Variants in RASGEF1B observed in about 807,000 individuals in gnomAD.
RASGEF1B encodes the protein ras-GEF domain-containing family member 1B.
RASGEF1B carries 30 observed loss-of-function variants against 65.7 expected under a neutral mutation model. The observed-to-expected ratio is 0.46, with a 90% CI of 0.34 to 0.62. The LOEUF (loss-of-function observed/expected upper bound fraction) is 0.62. Ranked by LOEUF, RASGEF1B falls within the 20% of genes least tolerant of loss-of-function variation. RASGEF1B has a pLI of 0.01. For missense variants in RASGEF1B, 495 were observed against 580.1 expected, an observed-to-expected ratio of 0.85 and a Z score of 1.51; for synonymous variants, 175 against 194.8, an observed-to-expected ratio of 0.90 and a Z score of 0.85.
chr4:81,434,817 A>G lies in RASGEF1B; in HGVS notation c.1105-83T>C, dbSNP rs1351102396. The G allele has an allele frequency of 1.3e-4, 92 of 724,996 alleles. 1 individual carries two copies. Among genetic ancestry groups the G allele is most frequent in the South Asian group, 1.2e-3 (78 of 64,370 alleles). 44.9% of individuals were successfully genotyped at this position (724,996 alleles called of 1,614,324 possible). On this transcript the variant is annotated intron_variant, in intron 10 of 13. Coordinates refer to ENST00000264400, the MANE Select transcript of RASGEF1B (RefSeq NM_152545.3). The stretch of plus-strand genomic sequence containing the variant: ...AAAATACACAAGATTAATGAACAAC[A>G]TTAACTTTTGATTATATGAAAGGCC...
intron 4 of RASGEF1B, chr4:81,453,467 T>A (rs1316722286): frequency 6.6e-6 from 1 of 152,230 alleles, no homozygotes; most frequent in Non-Finnish European, 1.5e-5. Context: ...GATACTGTAT[T>A]GTTTAGGGAA....
rs934216860 is a variant in RASGEF1B, at chr4:81,468,522, T to G, written c.-7+3248A>C. ...AAATATAAACCTAAGAAAAAATGATTGTTGAAGACAAATTTAAAAATTTAG... is the reference window on the plus strand; with the variant it reads ...AAATATAAACCTAAGAAAAAATGATGGTTGAAGACAAATTTAAAAATTTAG... On this transcript the variant is annotated intron_variant, in intron 1 of 13. Transcript: ENST00000264400. Among the ~76,000 whole-genome samples, 9 of 152,300 alleles carry G rather than the reference T, an allele frequency of 5.9e-5. No individual in the cohort carries two copies. In the East Asian group the frequency reaches 1.5e-3, roughly 26 times the overall value.
chr4:81,429,742 C>T (rs1222781348), intron 13 of RASGEF1B, among the ~76,000 whole-genome samples: 2 of 152,304 alleles, frequency 1.3e-5, no homozygotes, highest in East Asian at 1.9e-4. Flanking sequence ...CAGGGCACAC[C>T]GAAAGATGCC....
At chr4:81,432,395 C>T (rs777912541) in intron 12 of RASGEF1B, 24 bp from the exon 13 acceptor site, 23 of 1,483,436 alleles carry the variant, frequency 1.6e-5, no homozygotes, top group Non-Finnish European at 2.1e-5. Context: ...AAAGAAAGTG[C>T]ATTAACATTA....
rs1338669491 is a variant in RASGEF1B at position 81,427,603 on chromosome 4, T to C, written c.*165A>G. On this transcript the variant is annotated 3_prime_UTR_variant, in exon 14 of 14. Transcript: ENST00000264400. Reference sequence around the variant, plus strand: ...TATCTGTCAGCTGCAGGAAATAAGTTCTCCATCTGGTCTTGAGTGAGCTTG... The same window carrying C: ...TATCTGTCAGCTGCAGGAAATAAGTCCTCCATCTGGTCTTGAGTGAGCTTG... 1.2e-5 allele frequency: 7 copies of C among 579,926 alleles called. No homozygotes were observed. The allele number at this position is 579,926 out of a possible 1,614,324, so 35.9% of individuals were successfully genotyped here. A position where few individuals can be genotyped will look rare whatever the true frequency, so the allele number is the denominator to read the frequency against.
At chr4:81,438,794 C>G (rs112759548) in intron 10 of RASGEF1B, among the ~76,000 whole-genome samples, 1 of 147,718 alleles carries the variant, frequency 6.8e-6, no homozygotes, top group Non-Finnish European at 1.5e-5. Flanking sequence ...CATTGTTCAA[C>G]TCCCACTTAC....
intron 1 of RASGEF1B, among the ~76,000 whole-genome samples, chr4:81,462,823 T>C (rs1490944904): frequency 1.3e-5 from 2 of 152,246 alleles, no homozygotes; most frequent in Non-Finnish European, 2.9e-5. Context: ...GAGAATTTCA[T>C]TGGCTCCATT....
Position 81,427,730 on chromosome 4 carries a change from G to GGAAGCA in RASGEF1B, c.*32_*37dup. The GGAAGCA allele has an allele frequency of 6.2e-7, 1 of 1,613,136 alleles. No individual in the cohort carries two copies. The highest frequency in any genetic ancestry group is 8.5e-7 in the Non-Finnish European group (1 of 1,179,748). Reference sequence around the variant, plus strand: ...AAGGCCAGCCCCTCCATGATCTGCAGGAAGCAGCAGCAGCAGCAGGCAGGC... The same window carrying GGAAGCA: ...AAGGCCAGCCCCTCCATGATCTGCAGGAAGCAGAAGCAGCAGCAGCAGCAGGCAGGC... On this transcript the variant is annotated 3_prime_UTR_variant, in exon 14 of 14. Transcript: ENST00000264400.
At chr4:81,468,870 A>C (rs561902549) in intron 1 of RASGEF1B, among the ~76,000 whole-genome samples, 1 of 152,304 alleles carries the variant, frequency 6.6e-6, no homozygotes, top group East Asian at 1.9e-4. Flanking sequence ...CATTCTGTTC[A>C]ACTCCCCACA....
chr4:81,459,849 C>T (rs1238793843), intron 1 of RASGEF1B, among the ~76,000 whole-genome samples: 2 of 152,176 alleles, frequency 1.3e-5, no homozygotes, highest in Non-Finnish European at 2.9e-5. Flanking sequence ...GGGAACTGAA[C>T]TTCTATTGCT....
Position 81,431,376 on chromosome 4 carries a change from T to G in RASGEF1B, c.1397+923A>C, listed in dbSNP as rs368223168. Among the ~76,000 whole-genome samples the G allele has an allele frequency of 2.3e-4, 35 of 152,110 alleles. 1 individual carries two copies. In the East Asian group the frequency reaches 5.6e-3, roughly 24 times the overall value. On this transcript the variant is annotated intron_variant, in intron 13 of 13. Coordinates refer to ENST00000264400, the MANE Select transcript of RASGEF1B (RefSeq NM_152545.3). ...TAGCCAAACCTTCTTTATGTTTGTG[T>G]CTGGGCATACAAGGAACATCTCCAA...
intron 1 of RASGEF1B, among the ~76,000 whole-genome samples, chr4:81,467,928 C>A (rs990908418): frequency 6.6e-6 from 1 of 152,090 alleles, no homozygotes; most frequent in African/African-American, 2.4e-5. Flanking sequence ...AAATGTTTTT[C>A]TTTTGCACAA....
chr4:81,447,414 T>C lies in RASGEF1B; in HGVS notation c.729+90A>G, dbSNP rs531921729. The stretch of plus-strand genomic sequence containing the variant: ...TGATTTTAAAATCTACAACAGAATA[T>C]AGTTCTAACTTCCGTCCTTTATACC... On this transcript the variant is annotated intron_variant, in intron 6 of 13. Transcript: ENST00000264400. The C allele has an allele frequency of 6.7e-4, 628 of 938,976 alleles. 11 individuals are homozygous for C. In the South Asian group the frequency reaches 8.9e-3, roughly 13 times the overall value. 58.2% of individuals were successfully genotyped at this position (938,976 alleles called of 1,614,324 possible).
chr4:81,456,061 C>T (rs1722430868), intron 4 of RASGEF1B: 1 of 159,664 alleles, frequency 6.3e-6, no homozygotes. Flanking sequence ...TCAATAATTA[C>T]TATACTTCCC....
At chr4:81,447,358 A>G (rs1413152533) in intron 6 of RASGEF1B, 146 bp downstream of exon 6, 1 of 603,010 alleles carries the variant, frequency 1.7e-6, no homozygotes, top group Non-Finnish European at 2.9e-6. Context: ...ACTGCCATGA[A>G]TCAGACGTGG....
At chr4:81,437,637 G>A (rs2109970733) in intron 10 of RASGEF1B, among the ~76,000 whole-genome samples, 1 of 152,278 alleles carries the variant, frequency 6.6e-6, no homozygotes, top group Middle Eastern at 3.4e-3. Flanking sequence ...GATGGCAGAG[G>A]CTATTACCTT....
intron 13 of RASGEF1B, among the ~76,000 whole-genome samples, chr4:81,428,732 T>C (rs1269861262): frequency 6.6e-6 from 1 of 152,214 alleles, no homozygotes. Context: ...GTAAGACTGA[T>C]GGCCACAAGA....
In RASGEF1B at chr4:81,459,365, C is replaced by T; in HGVS notation, c.144G>A (p.Gln48=). ...LLSGSLEALI[Q]HLVPNVDYYP... ...AGTAATCCACATTAGGTACTAAGTG[C>T]TGGATGAGTGCTTCCAGGGATCCAG... Residue 48 remains glutamine (Q), a synonymous_variant, in exon 2 of 14, where the codon CAG becomes CAA. Transcript: ENST00000264400. 6.2e-7 allele frequency: 1 copy of T among 1,610,622 alleles called. No individual in the cohort carries two copies.
chr4:81,429,987 G>C (rs1023752635), intron 13 of RASGEF1B, among the ~76,000 whole-genome samples: 3 of 152,204 alleles, frequency 2.0e-5, no homozygotes, highest in Non-Finnish European at 4.4e-5. Flanking sequence ...CTCCCTTTGG[G>C]CTCCCCCATA....
Sources: allele counts gnomAD v4.1 joint callset (sites outside exome capture counted in the v4.1 genomes callset), GRCh38; gene constraint gnomAD v4.1.1; transcripts MANE v1.5; gene names NCBI Gene and HGNC (gene_info 2026-07-23, HGNC 2026-07-21).